The following AQR variants were observed in gnomAD, a reference collection of about 807,000 sequenced individuals.
AQR encodes the protein RNA helicase aquarius.
In AQR, 61 loss-of-function variants were observed where a neutral mutation model predicts 180.5. The ratio of observed to expected loss-of-function variants is 0.34; its 90% confidence interval spans 0.28 to 0.42. The LOEUF (loss-of-function observed/expected upper bound fraction) is 0.42. Ranked by LOEUF, AQR falls within the 10% of genes least tolerant of loss-of-function variation. The pLI, the probability that AQR is intolerant of heterozygous loss-of-function variation, is 1.00. For missense variants in AQR, 1,281 were observed against 1,798.3 expected (o/e 0.71, Z 5.20); for synonymous variants, 551 against 588.8 (o/e 0.94, Z 0.93).
rs907005158 is a variant in AQR at position 34,962,803 on chromosome 15, A to G, written c.132+1431T>C. Among the ~76,000 whole-genome samples, 100 of 152,262 alleles carry G rather than the reference A, an allele frequency of 6.6e-4. 1 individual carries two copies. Among genetic ancestry groups the G allele is most frequent in the African/African-American group, 2.4e-3 (98 of 41,566 alleles). ...AAAAATAAATAAAAGATTACTGGCA[A>G]AAACAAATATATATTCGTAAGAATT... On this transcript the variant is annotated intron_variant, in intron 2 of 34. Transcript: ENST00000156471.
intron 27 of AQR, among the ~76,000 whole-genome samples, chr15:34,880,289 C>A (rs76655871): frequency 0.01 from 1,570 of 152,096 alleles, 31 homozygotes; most frequent in African/African-American, 0.036. Flanking sequence ...ATGAAAGATA[C>A]GGGAGGATGT....
At chr15:34,964,851 G>T (rs1471695707) in intron 1 of AQR, among the ~76,000 whole-genome samples, 1 of 151,844 alleles carries the variant, frequency 6.6e-6, no homozygotes, top group Admixed American at 6.6e-5. Flanking sequence ...CCTGTAAATT[G>T]TGAAATTTAA....
chr15:34,929,503 G>A (rs1893817220), intron 12 of AQR, among the ~76,000 whole-genome samples: 1 of 152,190 alleles, frequency 6.6e-6, no homozygotes, highest in Non-Finnish European at 1.5e-5. Context: ...GGTTGCAGAT[G>A]TGTGGTGTTA....
intron 4 of AQR, among the ~76,000 whole-genome samples, chr15:34,949,835 G>A (rs1595808577): frequency 1.4e-5 from 2 of 148,048 alleles, no homozygotes; most frequent in South Asian, 2.1e-4. Flanking sequence ...GTGTAATGGT[G>A]CACACCTGTG....
intron 16 of AQR, among the ~76,000 whole-genome samples, chr15:34,912,307 C>T (rs189568019): frequency 1.2e-3 from 175 of 152,040 alleles, no homozygotes; most frequent in Admixed American, 1.8e-3. Context: ...GGAGAACTTC[C>T]CTTAGCATTT....
intron 22 of AQR, among the ~76,000 whole-genome samples, chr15:34,896,305 A>G (rs1485058227): frequency 6.6e-6 from 1 of 152,226 alleles, no homozygotes; most frequent in Non-Finnish European, 1.5e-5. Flanking sequence ...CAGTCATCAA[A>G]ACATCACATC....
intron 4 of AQR, among the ~76,000 whole-genome samples, chr15:34,950,962 T>C (rs568368592): frequency 7.3e-4 from 111 of 152,300 alleles, no homozygotes; most frequent in African/African-American, 2.6e-3. Context: ...TCCAAACCTA[T>C]CTTAAAATCT....
intron 24 of AQR, 144 bp downstream of exon 24, chr15:34,890,071 G>A: frequency 1.6e-6 from 1 of 623,486 alleles, no homozygotes; most frequent in Non-Finnish European, 2.6e-6. Flanking sequence ...CATATTTCTA[G>A]CTCAACATAT....
intron 2 of AQR, among the ~76,000 whole-genome samples, chr15:34,962,472 T>C (rs2050285215): frequency 6.6e-6 from 1 of 152,038 alleles, no homozygotes; most frequent in African/African-American, 2.4e-5. Context: ...AATAATAAAA[T>C]AAAGATTACT....
At chr15:34,944,496 T>G in intron 5 of AQR, 68 bp from the exon 6 acceptor site, 2 of 1,464,086 alleles carry the variant, frequency 1.4e-6, no homozygotes, top group Non-Finnish European at 1.8e-6. Context: ...GAAGCCCTAG[T>G]AGGCTTTTTA....
chr15:34,967,175 C>A (rs8039183), intron 1 of AQR, among the ~76,000 whole-genome samples: 1 of 150,446 alleles, frequency 6.6e-6, no homozygotes, highest in Admixed American at 6.6e-5. Context: ...CTGCGAGCCA[C>A]AAGCCACCGC....
chr15:34,876,540 C>G (rs2140464141), intron 27 of AQR, among the ~76,000 whole-genome samples: 1 of 152,204 alleles, frequency 6.6e-6, no homozygotes, highest in Admixed American at 6.5e-5. Context: ...TTTATTTCTA[C>G]CAGCACTACC....
intron 2 of AQR, among the ~76,000 whole-genome samples, chr15:34,961,439 G>C (rs1285260459): frequency 6.6e-6 from 1 of 151,924 alleles, no homozygotes; most frequent in Non-Finnish European, 1.5e-5. Flanking sequence ...GTGAAACCCT[G>C]TCTCTACTAA....
chr15:34,962,739 A>C (rs2050287230), intron 2 of AQR, among the ~76,000 whole-genome samples: 1 of 152,036 alleles, frequency 6.6e-6, no homozygotes, highest in African/African-American at 2.4e-5. Flanking sequence ...ATTACACTCC[A>C]AACTGGGTGA....
At chr15:34,918,702 A>C (rs1893635829) in intron 14 of AQR, among the ~76,000 whole-genome samples, 1 of 152,274 alleles carries the variant, frequency 6.6e-6, no homozygotes, top group South Asian at 2.1e-4. Context: ...TTTCCAATGA[A>C]ATATGAAATA....
chr15:34,906,054 A>T (rs566558572), intron 18 of AQR, among the ~76,000 whole-genome samples: 1 of 151,746 alleles, frequency 6.6e-6, no homozygotes, highest in South Asian at 2.1e-4. Flanking sequence ...AAAGAAAAAG[A>T]TCCTGTCCTT....
chr15:34,882,024 T>A (rs1198844015), intron 27 of AQR, among the ~76,000 whole-genome samples: 2 of 152,162 alleles, frequency 1.3e-5, no homozygotes, highest in Non-Finnish European at 1.5e-5. Context: ...CAGGCTGGTC[T>A]CAAACTCCTG....
intron 19 of AQR, among the ~76,000 whole-genome samples, chr15:34,901,990 G>A (rs866123402): frequency 8.5e-5 from 13 of 152,134 alleles, no homozygotes; most frequent in Non-Finnish European, 1.9e-4. Context: ...ACACAAAGCA[G>A]CAGAATGGTA....
chr15:34,943,038 A>C, intron 6 of AQR: 1 of 1,586,830 alleles, frequency 6.3e-7, no homozygotes, highest in Non-Finnish European at 8.6e-7. Context: ...TAGTTTAATA[A>C]ATGTTAAAGA....
Sources: gnomAD v4.1 joint callset for allele counts (sites outside exome capture counted in the v4.1 genomes callset) on GRCh38, gnomAD v4.1.1 for gene constraint, MANE v1.5 for transcripts, NCBI Gene and HGNC (gene_info 2026-07-23, HGNC 2026-07-21) for gene names.